Variants in SUSD1 observed in about 807,000 individuals in gnomAD.
SUSD1 encodes the protein sushi domain-containing protein 1.
Under a neutral mutation model 86.9 loss-of-function variants are expected in SUSD1, and 65 were observed. The observed-to-expected ratio is 0.75, with a 90% CI of 0.61 to 0.92. The LOEUF is 0.92. SUSD1 is among the 40% of genes least tolerant of loss of function. The pLI is 0.00. For missense variants in SUSD1, 850 were observed against 929.7 expected, an observed-to-expected ratio of 0.91 and a Z score of 1.11; for synonymous variants, 346 against 350.0, an observed-to-expected ratio of 0.99 and a Z score of 0.13.
In SUSD1 at chr9:112,089,250, A is replaced by T. The variant is rs1830105258; in HGVS notation, c.1475-9085T>A. On this transcript the variant is annotated intron_variant, in intron 10 of 16. Coordinates refer to ENST00000374270, the MANE Select transcript of SUSD1 (RefSeq NM_022486.5). ...GTAAACCTTCCTTTAAAAATTAATA[A>T]ATAAAGCAAAGAAAATCCATCACAC... is the stretch of plus-strand genomic sequence containing the variant. 2.0e-5 allele frequency among the ~76,000 whole-genome samples: 3 copies of T among 152,362 alleles called. No homozygotes were observed. In the South Asian group the frequency reaches 6.2e-4, roughly 32 times the overall value.
At chr9:112,123,246 C>T (rs1040060854) in intron 6 of SUSD1, among the ~76,000 whole-genome samples, 3 of 152,134 alleles carry the variant, frequency 2.0e-5, no homozygotes, top group Non-Finnish European at 4.4e-5. Context: ...GGGAAGTTGA[C>T]AATCGTGGCA....
chr9:112,108,812 AG>A (rs1190296714), intron 8 of SUSD1, among the ~76,000 whole-genome samples: 141 of 143,690 alleles, frequency 9.8e-4, no homozygotes, highest in Non-Finnish European at 1.9e-3. Flanking sequence ...AAAGAAAGAA[AG>A]AAAAAAAAAA....
intron 1 of SUSD1, among the ~76,000 whole-genome samples, chr9:112,165,558 C>T (rs12380272): frequency 2.6e-5 from 4 of 151,838 alleles, no homozygotes; most frequent in Non-Finnish European, 5.9e-5. Context: ...CACAGGTGTG[C>T]ACCACCACAC....
At chr9:112,125,973 C>T (rs1312276656) in intron 5 of SUSD1, among the ~76,000 whole-genome samples, 1 of 152,204 alleles carries the variant, frequency 6.6e-6, no homozygotes, top group Non-Finnish European at 1.5e-5. Context: ...GCCCACAGAG[C>T]TTTGGTTCCC....
intron 5 of SUSD1, among the ~76,000 whole-genome samples, chr9:112,140,492 T>G (rs1589713965): frequency 6.9e-6 from 1 of 145,252 alleles, no homozygotes. Context: ...CGAGTCTGGG[T>G]GGCAGAGCAA....
chr9:112,049,118 T>C (rs544936912), intron 15 of SUSD1, among the ~76,000 whole-genome samples: 3 of 151,930 alleles, frequency 2.0e-5, no homozygotes, highest in African/African-American at 7.3e-5. Flanking sequence ...GGAAGGAGGA[T>C]TTGCCCGTCA....
At chr9:112,164,807 G>T (rs1261496844) in intron 1 of SUSD1, among the ~76,000 whole-genome samples, 2 of 152,078 alleles carry the variant, frequency 1.3e-5, no homozygotes, top group East Asian at 3.9e-4. Flanking sequence ...AGCCGGGTTT[G>T]GTGGCCGGTG....
chr9:112,067,318 C>A (rs1339037674), intron 12 of SUSD1, among the ~76,000 whole-genome samples: 1 of 152,264 alleles, frequency 6.6e-6, no homozygotes, highest in African/African-American at 2.4e-5. Context: ...GAGCAACGGG[C>A]CTGTGGTGAC....
At chr9:112,101,657 C>A (rs1465762731) in intron 9 of SUSD1, among the ~76,000 whole-genome samples, 1 of 151,734 alleles carries the variant, frequency 6.6e-6, no homozygotes, top group East Asian at 1.9e-4. Context: ...ACCAGCCTGA[C>A]CAACATGGAG....
At position 112,124,297 on chromosome 9, in the gene SUSD1, T is replaced by C. The variant is rs1416379018; in HGVS notation, c.846A>G (p.Thr282=). ...TACTTTCTCTCCAGGTGCCTTTCTC[T>C]GTGCAAACAGAAGTGATCTTTCCTC... ...SPGGKITSVC[T]EKGTWRESTL... is the part of the protein sequence containing the mutation. Residue 282 remains threonine, a synonymous_variant, in exon 6 of 17, where the codon ACA becomes ACG. Transcript: ENST00000374270. The C allele has an allele frequency of 6.2e-7, 1 of 1,614,102 alleles. No homozygotes were observed. Among genetic ancestry groups the C allele is most frequent in the East Asian group, 2.2e-5 (1 of 44,888 alleles).
intron 8 of SUSD1, among the ~76,000 whole-genome samples, chr9:112,110,571 T>A (rs1680807151): frequency 1.3e-5 from 2 of 151,644 alleles, no homozygotes; most frequent in Admixed American, 1.3e-4. Context: ...TTCTTTTTTT[T>A]TTTTGTAGAG....
rs1037305379 is a variant in SUSD1, at chr9:112,041,219, C to A, written c.*273G>T. Reference sequence around the variant, plus strand: ...TCTGTATGTAGCCTTCGGTCAATATCACAGTGTACATCAGGAGTCTCAAGT... The same window carrying A: ...TCTGTATGTAGCCTTCGGTCAATATAACAGTGTACATCAGGAGTCTCAAGT... On this transcript the variant is annotated 3_prime_UTR_variant, in exon 17 of 17. Coordinates refer to ENST00000374270, the MANE Select transcript of SUSD1 (RefSeq NM_022486.5). The A allele has an allele frequency of 6.8e-6, 4 of 589,408 alleles. No individual in the cohort carries two copies. In the African/African-American group the frequency reaches 7.4e-5, roughly 11 times the overall value. The allele number at this position is 589,408 out of a possible 1,614,324, so 36.5% of individuals were successfully genotyped here. A position where few individuals can be genotyped will look rare whatever the true frequency, so the allele number is the denominator to read the frequency against.
intron 8 of SUSD1, among the ~76,000 whole-genome samples, chr9:112,106,187 G>A (rs540474382): frequency 5.3e-5 from 8 of 151,934 alleles, no homozygotes; most frequent in Non-Finnish European, 1.2e-4. Flanking sequence ...ACAGGGTTTA[G>A]CCATGTTGAC....
intron 10 of SUSD1, among the ~76,000 whole-genome samples, chr9:112,083,381 C>T (rs1829848773): frequency 1.3e-5 from 2 of 152,102 alleles, no homozygotes; most frequent in African/African-American, 4.8e-5. Context: ...GCATGCACCA[C>T]CACACCTGGC....
intron 10 of SUSD1, among the ~76,000 whole-genome samples, chr9:112,095,417 G>A (rs966113335): frequency 6.6e-6 from 1 of 152,318 alleles, no homozygotes; most frequent in East Asian, 1.9e-4. Context: ...TACAGAAAAG[G>A]AAGCGGGAGC....
chr9:112,124,108 T>G lies in SUSD1; in HGVS notation c.886+149A>C, dbSNP rs919219024. ...ACCTTCTAAATCTTCAGGATTTAGC[T>G]GACAAATCTAAAGCCAGGTGCACAA... On this transcript the variant is annotated intron_variant, in intron 6 of 16. Transcript: ENST00000374270. The G allele has an allele frequency of 5.4e-5, 37 of 686,364 alleles. No homozygotes were observed. The Admixed American group carries it at 9.7e-4, about 18-fold the overall frequency. The allele number at this position is 686,364 out of a possible 1,614,324, so 42.5% of individuals were successfully genotyped here.
At chr9:112,122,838 A>G (rs993632753) in intron 6 of SUSD1, among the ~76,000 whole-genome samples, 8 of 152,246 alleles carry the variant, frequency 5.3e-5, no homozygotes, top group African/African-American at 1.7e-4. Flanking sequence ...ATGTATCTTA[A>G]AGACATTATG....
At chr9:112,063,055 G>A (rs1564257633) in intron 12 of SUSD1, 22 bp from the exon 13 acceptor site, 8 of 1,475,490 alleles carry the variant, frequency 5.4e-6, no homozygotes, top group Non-Finnish European at 7.6e-6. Flanking sequence ...TTGAAAAGAA[G>A]AAAAGGGGTA....
chr9:112,174,986 A>T, intron 1 of SUSD1, 147 bp downstream of exon 1: 4 of 499,468 alleles, frequency 8.0e-6, no homozygotes, highest in Non-Finnish European at 1.0e-5. Flanking sequence ...CCGATCTCCA[A>T]CGGCCGGCGC....
Sources: gnomAD v4.1 joint callset for allele counts (sites outside exome capture counted in the v4.1 genomes callset) on GRCh38, gnomAD v4.1.1 for gene constraint, MANE v1.5 for transcripts, NCBI Gene and HGNC (gene_info 2026-07-23, HGNC 2026-07-21) for gene names.